Variants in ELF2 observed in about 807,000 individuals in gnomAD.
ELF2 encodes the protein E74 like ETS transcription factor 2.
ELF2 carries 11 observed loss-of-function variants against 54.8 expected under a neutral mutation model. The observed-to-expected ratio is 0.20, with a 90% CI of 0.13 to 0.33. ELF2 has a LOEUF of 0.33. ELF2 is among the 10% of genes least tolerant of loss of function. The probability of loss-of-function intolerance (pLI) is 1.00; values close to 1 mark genes in which losing one functional copy is unlikely to be tolerated. For missense variants in ELF2, 513 were observed against 703.0 expected, an observed-to-expected ratio of 0.73 and a Z score of 3.06; for synonymous variants, 203 against 245.1, an observed-to-expected ratio of 0.83 and a Z score of 1.61.
In ELF2 at chr4:139,060,351, G is replaced by A; in HGVS notation, c.1130C>T (p.Ala377Val). 1 of 1,611,016 alleles carries A rather than the reference G, an allele frequency of 6.2e-7. No individual in the cohort carries two copies. The highest frequency in any genetic ancestry group is 8.5e-7 in the Non-Finnish European group (1 of 1,178,662). The part of the protein sequence containing the change: ...DASSRSPTTT[A>V]SVSATAAPRT... ...TGGAGCTGCTGTTGCTGACACAGATGCAGTGGTAGTAGGAGACCTGGATGA... is the reference window on the plus strand; with the variant it reads ...TGGAGCTGCTGTTGCTGACACAGATACAGTGGTAGTAGGAGACCTGGATGA... The change falls in exon 9 of 10, where the codon GCA becomes GTA. Residue 377 changes from alanine to valine, a missense_variant. By Grantham distance (64) the Ala-to-Val change is moderately conservative (BLOSUM62 0). Coordinates refer to ENST00000686138, the MANE Select transcript of ELF2 (RefSeq NM_001331036.3).
chr4:139,077,312 A>T (rs956564028), intron 4 of ELF2, among the ~76,000 whole-genome samples: 3 of 152,204 alleles, frequency 2.0e-5, no homozygotes, highest in African/African-American at 7.2e-5. Context: ...TAGAACACTC[A>T]ATCTACAGTT....
intron 7 of ELF2, among the ~76,000 whole-genome samples, chr4:139,065,666 C>G (rs906013145): frequency 6.6e-6 from 1 of 152,146 alleles, no homozygotes; most frequent in African/African-American, 2.4e-5. Context: ...CATTATAACA[C>G]ACTGCCTCAA....
intron 6 of ELF2, 120 bp downstream of exon 6, chr4:139,071,746 G>T: frequency 1.1e-6 from 1 of 914,628 alleles, no homozygotes; most frequent in Non-Finnish European, 1.6e-6. Flanking sequence ...GAGAATATCT[G>T]GTTAAGATAA....
At chr4:139,163,525 A>C (rs1741380670) in intron 1 of ELF2, among the ~76,000 whole-genome samples, 1 of 152,180 alleles carries the variant, frequency 6.6e-6, no homozygotes, top group South Asian at 2.1e-4. Context: ...TTATTTAAGA[A>C]AGAGAAAGTA....
chr4:139,060,230 G>A (rs1727628811), intron 9 of ELF2, 94 bp downstream of exon 9: 1 of 1,147,642 alleles, frequency 8.7e-7, no homozygotes, highest in South Asian at 1.7e-5. Flanking sequence ...TGGGTTCTTA[G>A]AACACTAATA....
chr4:139,066,009 C>CTTTTTTTTT lies in ELF2; in HGVS notation c.613+1666_613+1674dup, dbSNP rs372715360. On this transcript the variant is annotated intron_variant, in intron 7 of 9. Transcript: ENST00000686138. Reference sequence around the variant, plus strand: ...AGTTCCTGAATGTGTTCAATGTCACCTTTTTTTTTTTTTTTTTTTTTTTTG... The same window carrying CTTTTTTTTT: ...AGTTCCTGAATGTGTTCAATGTCACCTTTTTTTTTTTTTTTTTTTTTTTTTTTTTTTTTG... 37 of 105,708 alleles carry CTTTTTTTTT rather than the reference C, an allele frequency of 3.5e-4. 2 individuals carry two copies. Among genetic ancestry groups the CTTTTTTTTT allele is most frequent in the African/African-American group, 1.3e-3 (35 of 27,558 alleles). The allele number at this position is 105,708 out of a possible 1,614,324, so 6.5% of individuals were successfully genotyped here.
chr4:139,058,724 T>C lies in ELF2; in HGVS notation c.*259A>G, dbSNP rs189169348. 3.1e-4 allele frequency: 128 copies of C among 406,796 alleles called. No homozygotes were observed. Among genetic ancestry groups the C allele is most frequent in the Admixed American group, 2.2e-3 (52 of 23,498 alleles). The allele number at this position is 406,796 out of a possible 1,614,324, so 25.2% of individuals were successfully genotyped here. A position where few individuals can be genotyped will look rare whatever the true frequency, so the allele number is the denominator to read the frequency against. ...CTTGATATCGTAGTGAGCTGCTTGG[T>C]CCCTTTCGATCCTTTTTCTTATTGA... On this transcript the variant is annotated 3_prime_UTR_variant, in exon 10 of 10. Coordinates refer to ENST00000686138, the MANE Select transcript of ELF2 (RefSeq NM_001331036.3).
intron 4 of ELF2, among the ~76,000 whole-genome samples, chr4:139,092,924 G>A (rs1732827937): frequency 1.3e-5 from 2 of 151,530 alleles, no homozygotes; most frequent in Non-Finnish European, 2.9e-5. Flanking sequence ...TTCCCAGTAG[G>A]CATACGCATA....
intron 1 of ELF2, among the ~76,000 whole-genome samples, chr4:139,151,727 C>T (rs983909109): frequency 1.3e-5 from 2 of 152,140 alleles, no homozygotes; most frequent in African/African-American, 4.8e-5. Flanking sequence ...ATTTCCCACC[C>T]AATATGTGAA....
At position 139,060,532 on chromosome 4, in the gene ELF2, C is replaced by T. The variant is rs766176622; in HGVS notation, c.949G>A (p.Glu317Lys). 6.2e-7 allele frequency: 1 copy of T among 1,614,212 alleles called. No homozygotes were observed. Among genetic ancestry groups the T allele is most frequent in the Non-Finnish European group, 8.5e-7 (1 of 1,180,038 alleles). The part of the protein sequence containing the change: ...CNEDLAGTTD[E>K]KSLERVSLSA... ...AGTGACACTCGTTCTAATGATTTTT[C>T]ATCAGTAGTTCCTGCTAAATCTTCA... is the stretch of plus-strand genomic sequence containing the variant. The change falls in exon 9 of 10, where the codon GAA (glutamate) becomes AAA (lysine). Residue 317 changes from glutamate to lysine, a missense_variant. Transcript: ENST00000686138.
chr4:139,160,399 A>G, intron 1 of ELF2, among the ~76,000 whole-genome samples: 1 of 152,332 alleles, frequency 6.6e-6, no homozygotes, highest in East Asian at 1.9e-4. Context: ...ATAATAATAG[A>G]AACTATTTCA....
rs1560871184 is a variant in ELF2, at chr4:139,151,037, A to AAAGAAAGAAAGAAAGAAAGG, written c.-251-11541_-251-11540insCCTTTCTTTCTTTCTTTCTT. Among the ~76,000 whole-genome samples the AAAGAAAGAAAGAAAGAAAGG allele has an allele frequency of 1.0e-3, 43 of 41,310 alleles. 1 individual carries two copies. Among genetic ancestry groups the AAAGAAAGAAAGAAAGAAAGG allele is most frequent in the African/African-American group, 2.4e-3 (43 of 17,820 alleles). The allele number at this position is 41,310 out of a possible 152,430, so 27.1% of individuals were successfully genotyped here. A position where few individuals can be genotyped will look rare whatever the true frequency, so the allele number is the denominator to read the frequency against. On this transcript the variant is annotated intron_variant, in intron 1 of 9. Coordinates refer to ENST00000686138, the MANE Select transcript of ELF2 (RefSeq NM_001331036.3). Reference sequence around the variant, plus strand: ...AGGCTCCATCTCAAAAAAAAAAAAGAAAGAAAGAAAGAAAGAAAGAAAGAA... The same window carrying AAAGAAAGAAAGAAAGAAAGG: ...AGGCTCCATCTCAAAAAAAAAAAAGAAAGAAAGAAAGAAAGAAAGGAAGAAAGAAAGAAAGAAAGAAAGAA...
chr4:139,148,514 C>A (rs1254297765), intron 1 of ELF2, among the ~76,000 whole-genome samples: 1 of 151,656 alleles, frequency 6.6e-6, no homozygotes, highest in Non-Finnish European at 1.5e-5. Flanking sequence ...CTTTCACTTA[C>A]AATAAAGTTT....
intron 3 of ELF2, among the ~76,000 whole-genome samples, chr4:139,128,388 C>A (rs1225358892): frequency 2.0e-5 from 3 of 152,154 alleles, no homozygotes; most frequent in Non-Finnish European, 2.9e-5. Flanking sequence ...TTTAACTGAA[C>A]TTTAACTGAT....
At chr4:139,147,863 C>T (rs534603437) in intron 1 of ELF2, among the ~76,000 whole-genome samples, 6 of 149,236 alleles carry the variant, frequency 4.0e-5, no homozygotes, top group Non-Finnish European at 8.9e-5. Flanking sequence ...CTCGGCTCAC[C>T]GCAACCTCCG....
intron 4 of ELF2, among the ~76,000 whole-genome samples, chr4:139,114,373 A>G (rs1465017978): frequency 6.6e-6 from 1 of 152,174 alleles, no homozygotes; most frequent in Non-Finnish European, 1.5e-5. Flanking sequence ...GATCGAGACC[A>G]TTCTGGCCAA....
chr4:139,151,465 A>C (rs991995935), intron 1 of ELF2, among the ~76,000 whole-genome samples: 2 of 152,204 alleles, frequency 1.3e-5, no homozygotes, highest in African/African-American at 4.8e-5. Flanking sequence ...ATTCCTACTA[A>C]TTAATAAGAA....
chr4:139,082,718 A>G (rs1306184959), intron 4 of ELF2, among the ~76,000 whole-genome samples: 1 of 152,190 alleles, frequency 6.6e-6, no homozygotes, highest in Non-Finnish European at 1.5e-5. Context: ...AAGATCTTTT[A>G]CAGAATTACT....
At chr4:139,093,768 T>C (rs780624727) in intron 4 of ELF2, among the ~76,000 whole-genome samples, 3 of 152,106 alleles carry the variant, frequency 2.0e-5, no homozygotes, top group Non-Finnish European at 2.9e-5. Context: ...CTAAAGCCTA[T>C]AACAATTTCA....
Sources: gnomAD v4.1 joint callset for allele counts (sites outside exome capture counted in the v4.1 genomes callset) on GRCh38, gnomAD v4.1.1 for gene constraint, MANE v1.5 for transcripts, NCBI Gene and HGNC (gene_info 2026-07-23, HGNC 2026-07-21) for gene names.